The following ZNF536 variants were observed in gnomAD, a reference collection of about 807,000 sequenced individuals.
ZNF536 encodes zinc finger protein 536.
ZNF536 carries 13 observed loss-of-function variants against 84.5 expected under a neutral mutation model. The ratio of observed to expected loss-of-function variants is 0.15; its 90% confidence interval spans 0.10 to 0.24. The LOEUF is 0.24. Ranked by LOEUF, ZNF536 falls within the 10% of genes least tolerant of loss-of-function variation. ZNF536 has a pLI of 1.00. For missense variants in ZNF536, 1,536 were observed against 1,747.5 expected, an observed-to-expected ratio of 0.88 and a Z score of 2.16; for synonymous variants, 811 against 742.5, an observed-to-expected ratio of 1.09 and a Z score of -1.50.
At chr19:30,426,431 A>G (rs1382076045) in intron 1 of ZNF536, among the ~76,000 whole-genome samples, 1 of 152,142 alleles carries the variant, frequency 6.6e-6, no homozygotes, top group Non-Finnish European at 1.5e-5. Context: ...GTGTTTTTAT[A>G]TGGGGGAAGG....
At chr19:30,670,391 C>G (rs181742571) in intron 1 of ZNF536, among the ~76,000 whole-genome samples, 1 of 152,318 alleles carries the variant, frequency 6.6e-6, no homozygotes, top group East Asian at 1.9e-4. Context: ...CTGTGAAATC[C>G]GTGGTCACGA....
intron 1 of ZNF536, among the ~76,000 whole-genome samples, chr19:30,663,424 C>T (rs887145950): frequency 2.6e-5 from 4 of 151,852 alleles, no homozygotes; most frequent in Non-Finnish European, 2.9e-5. Flanking sequence ...TTATATAACT[C>T]TGTTGCATTT....
intron 2 of ZNF536, among the ~76,000 whole-genome samples, chr19:30,351,479 G>A: frequency 6.6e-6 from 1 of 152,208 alleles, no homozygotes; most frequent in East Asian, 1.9e-4. Flanking sequence ...GCATTCATAT[G>A]TTAATGATGC....
At chr19:30,464,596 G>C (rs983001679) in intron 2 of ZNF536, among the ~76,000 whole-genome samples, 2 of 151,924 alleles carry the variant, frequency 1.3e-5, no homozygotes, top group African/African-American at 2.4e-5. Context: ...AGCTCCGCCA[G>C]CTTCTGCTTG....
intron 1 of ZNF536, among the ~76,000 whole-genome samples, chr19:30,441,593 G>T (rs566236939): frequency 6.6e-6 from 1 of 152,304 alleles, no homozygotes; most frequent in East Asian, 1.9e-4. Context: ...ACCTCCATGG[G>T]ATATTAGCTT....
At chr19:30,349,991 C>G (rs1054694334) in intron 2 of ZNF536, among the ~76,000 whole-genome samples, 1 of 151,380 alleles carries the variant, frequency 6.6e-6, no homozygotes, top group Non-Finnish European at 1.5e-5. Flanking sequence ...TGAGATGCTC[C>G]GAAAGTTGTT....
At chr19:30,508,078 C>A (rs1460336915) in intron 2 of ZNF536, among the ~76,000 whole-genome samples, 3 of 152,174 alleles carry the variant, frequency 2.0e-5, no homozygotes, top group African/African-American at 7.2e-5. Context: ...TGGAACAGGG[C>A]CTGTGGCACT....
downstream of ZNF536, among the ~76,000 whole-genome samples, chr19:30,561,771 T>A (rs2046177685): frequency 6.7e-6 from 1 of 150,326 alleles, no homozygotes; most frequent in African/African-American, 2.4e-5. Flanking sequence ...CCAGCCCACC[T>A]GATGGCCAAC....
At chr19:30,294,182 C>A (rs914652038) in intron 2 of ZNF536, among the ~76,000 whole-genome samples, 1 of 152,146 alleles carries the variant, frequency 6.6e-6, no homozygotes, top group Admixed American at 6.5e-5. Flanking sequence ...GCCCCCAACA[C>A]AGAGGAGCTT....
intron 2 of ZNF536, among the ~76,000 whole-genome samples, chr19:30,497,758 G>C (rs1469192440): frequency 6.6e-6 from 1 of 152,170 alleles, no homozygotes; most frequent in African/African-American, 2.4e-5. Context: ...GAGTGTGTTT[G>C]GGTGTGGGAA....
chr19:30,327,812 G>T (rs1568334750), intron 2 of ZNF536, among the ~76,000 whole-genome samples: 1 of 152,188 alleles, frequency 6.6e-6, no homozygotes, highest in East Asian at 1.9e-4. Flanking sequence ...CTGAGCTGTG[G>T]AATTGTTATC....
intron 1 of ZNF536, among the ~76,000 whole-genome samples, chr19:30,422,686 C>T (rs922990060): frequency 6.6e-6 from 1 of 151,738 alleles, no homozygotes; most frequent in Non-Finnish European, 1.5e-5. Context: ...CACACATCTA[C>T]CCATCCTTCT....
intron 2 of ZNF536, among the ~76,000 whole-genome samples, chr19:30,501,461 G>C (rs2054947389): frequency 6.6e-6 from 1 of 152,200 alleles, no homozygotes; most frequent in African/African-American, 2.4e-5. Context: ...TTGGGAACCT[G>C]GTTTCCTAGC....
chr19:30,424,226 A>C (rs907448801), intron 1 of ZNF536, among the ~76,000 whole-genome samples: 2 of 152,142 alleles, frequency 1.3e-5, no homozygotes, highest in Non-Finnish European at 2.9e-5. Flanking sequence ...TCCAAGGCAC[A>C]CACACAGTGG....
intron 2 of ZNF536, among the ~76,000 whole-genome samples, chr19:30,449,451 C>T (rs2052497237): frequency 6.6e-6 from 1 of 152,154 alleles, no homozygotes; most frequent in African/African-American, 2.4e-5. Context: ...AGAACACAAC[C>T]AAAGTTCTGT....
chr19:30,380,203 C>T (rs1271520974), intron 1 of ZNF536, among the ~76,000 whole-genome samples: 1 of 151,562 alleles, frequency 6.6e-6, no homozygotes, highest in Admixed American at 6.6e-5. Flanking sequence ...TTTTTTTTGC[C>T]AGCCGTCAGC....
chr19:30,465,418 C>G (rs1005000036), intron 2 of ZNF536, among the ~76,000 whole-genome samples: 1 of 152,228 alleles, frequency 6.6e-6, no homozygotes, highest in Admixed American at 6.5e-5. Flanking sequence ...ACCTTGTTCA[C>G]TCTTCCTGGT....
intron 1 of ZNF536, among the ~76,000 whole-genome samples, chr19:30,379,496 G>T (rs867302825): frequency 6.6e-6 from 1 of 151,798 alleles, no homozygotes; most frequent in South Asian, 2.1e-4. Context: ...GATTCCTGTC[G>T]CCATAAGGAG....
chr19:30,402,548 T>A (rs2050085360), intron 1 of ZNF536, among the ~76,000 whole-genome samples: 1 of 151,842 alleles, frequency 6.6e-6, no homozygotes, highest in African/African-American at 2.4e-5. Context: ...GAGACTCTGA[T>A]CATTTGAAAC....
Sources: gnomAD v4.1 joint callset for allele counts (sites outside exome capture counted in the v4.1 genomes callset) on GRCh38, gnomAD v4.1.1 for gene constraint, MANE v1.5 for transcripts, NCBI Gene and HGNC (gene_info 2026-07-23, HGNC 2026-07-21) for gene names.